The following CASKIN1 variants were observed in gnomAD, a reference collection of about 807,000 sequenced individuals.
CASKIN1 encodes the protein caskin-1.
In CASKIN1, 42 loss-of-function variants were observed where a neutral mutation model predicts 117.5. That is an observed-to-expected ratio of 0.36 (90% CI 0.28 to 0.46). CASKIN1 has a LOEUF of 0.46. Among genes scored for constraint, CASKIN1 ranks in the 20% least tolerant of loss-of-function variants. The probability of loss-of-function intolerance (pLI) is 1.00; values close to 1 mark genes in which losing one functional copy is unlikely to be tolerated. For missense variants in CASKIN1, 2,083 were observed against 2,077.3 expected (o/e 1.00, Z -0.05); for synonymous variants, 1,148 against 961.7 (o/e 1.19, Z -3.59).
chr16:2,178,926 C>T lies in CASKIN1; in HGVS notation c.4175G>A (p.Arg1392Gln), dbSNP rs566639408. ...CCGCGGGCCCTGCGCGTCCTCCTGC[C>T]GGATCTTCTCCTCCACCGCCTGCAG... ...AALQAVEEKIRQEDAQGPRDS... is the reference protein window; with the variant it reads ...AALQAVEEKIQQEDAQGPRDS... Residue 1392 changes from arginine (R) to glutamine (Q), a missense_variant, in exon 19 of 20, where the codon CGG (arginine) becomes CAG (glutamine). Transcript: ENST00000343516. 1 of 1,491,302 alleles carries T rather than the reference C, an allele frequency of 6.7e-7. No homozygotes were observed. The highest frequency in any genetic ancestry group is 8.8e-7 in the Non-Finnish European group (1 of 1,131,336). 92.4% of individuals were successfully genotyped at this position (1,491,302 alleles called of 1,614,324 possible). A position where few individuals can be genotyped will look rare whatever the true frequency, so the allele number is the denominator to read the frequency against.
At chr16:2,190,946 G>C (rs1035362446) in intron 1 of CASKIN1, among the ~76,000 whole-genome samples, 1 of 152,198 alleles carries the variant, frequency 6.6e-6, no homozygotes, top group East Asian at 1.9e-4. Context: ...AACCTCACGC[G>C]AACGGCTGCC....
At chr16:2,194,860 G>C (rs2093211152) in intron 1 of CASKIN1, among the ~76,000 whole-genome samples, 1 of 152,120 alleles carries the variant, frequency 6.6e-6, no homozygotes. Flanking sequence ...CCTGGCCCTG[G>C]GCCGTCCAAG....
chr16:2,180,409 T>C lies in CASKIN1; in HGVS notation c.2959A>G (p.Ser987Gly). ...GTGTCCACGCTGCCGGCCAGGTCACTGGCCCGCCGGCACTGTGCCCGGACC... is the reference window on the plus strand; with the variant it reads ...GTGTCCACGCTGCCGGCCAGGTCACCGGCCCGCCGGCACTGTGCCCGGACC... ...LGVRAQCRRASDLAGSVDTGS... is the reference protein window; with the variant it reads ...LGVRAQCRRAGDLAGSVDTGS... Residue 987 changes from serine (S) to glycine (G), a missense_variant, in exon 18 of 20, where the codon AGT becomes GGT. Coordinates refer to ENST00000343516, the MANE Select transcript of CASKIN1 (RefSeq NM_020764.4). 6.3e-7 allele frequency: 1 copy of C among 1,575,284 alleles called. No individual in the cohort carries two copies. The highest frequency in any genetic ancestry group is 8.6e-7 in the Non-Finnish European group (1 of 1,167,960).
chr16:2,183,583 TTC>T (rs1158704038), intron 16 of CASKIN1, 61 bp downstream of exon 16: 82 of 1,515,254 alleles, frequency 5.4e-5, no homozygotes, highest in Non-Finnish European at 7.4e-5. Context: ...GGGAGGCAGG[TTC>T]TCTGTCTGTC....
In CASKIN1 at chr16:2,177,965, T is replaced by C. The variant is rs2093147843; in HGVS notation, c.*585A>G. ...AGACAGCCTGGGCCTCTAACAGCTTTTGTCCGGAGCTAGACTTCGTGTCCT... is the reference window on the plus strand; with the variant it reads ...AGACAGCCTGGGCCTCTAACAGCTTCTGTCCGGAGCTAGACTTCGTGTCCT... On this transcript the variant is annotated 3_prime_UTR_variant, in exon 20 of 20. Coordinates refer to ENST00000343516, the MANE Select transcript of CASKIN1 (RefSeq NM_020764.4). The C allele has an allele frequency of 2.7e-6, 1 of 368,286 alleles. No individual in the cohort carries two copies. Among genetic ancestry groups the C allele is most frequent in the Non-Finnish European group, 5.1e-6 (1 of 195,956 alleles). The allele number at this position is 368,286 out of a possible 1,614,324, so 22.8% of individuals were successfully genotyped here.
chr16:2,188,755 T>C, intron 6 of CASKIN1: 1 of 435,032 alleles, frequency 2.3e-6, no homozygotes, highest in Non-Finnish European at 4.1e-6. Flanking sequence ...ACTTTACGGA[T>C]GGGAAAGTGA....
intron 1 of CASKIN1, among the ~76,000 whole-genome samples, chr16:2,190,589 G>A (rs1367440331): frequency 6.6e-6 from 1 of 152,198 alleles, no homozygotes; most frequent in Non-Finnish European, 1.5e-5. Flanking sequence ...AGATGTGGGG[G>A]TTCACAGTAC....
chr16:2,186,271 G>A (rs942991999), intron 10 of CASKIN1, among the ~76,000 whole-genome samples: 15 of 152,256 alleles, frequency 9.9e-5, no homozygotes, highest in East Asian at 9.7e-4. Flanking sequence ...GCCTGGCGCC[G>A]CCGGCTTTTA....
At chr16:2,184,053 C>T in intron 14 of CASKIN1, 112 bp from the exon 15 acceptor site, 1 of 676,540 alleles carries the variant, frequency 1.5e-6, no homozygotes, top group Non-Finnish European at 2.5e-6. Flanking sequence ...CGTCCGCCGT[C>T]CGCTGCTCCA....
rs767660749 is a variant in CASKIN1, at chr16:2,181,044, G to A, written c.2324C>T (p.Thr775Met). The change falls in exon 18 of 20, where the codon ACG becomes ATG. Residue 775 changes from threonine (T) to methionine (M), a missense_variant. Physicochemically the swap from Thr to Met is moderately conservative, Grantham distance 81. This residue lies in a region of CASKIN1 where 1,818 missense variants were observed against 1,688.9 expected (regional missense o/e 1.08). Transcript: ENST00000343516. ...QVLPPGTSHF[T>M]PPQTPTKTRP... Reference sequence around the variant, plus strand: ...GGTTTTGGTGGGCGTCTGGGGGGGCGTGAAGTGGCTAGTGCCTGGTGGGAG... The same window carrying A: ...GGTTTTGGTGGGCGTCTGGGGGGGCATGAAGTGGCTAGTGCCTGGTGGGAG... 1.6e-5 allele frequency: 24 copies of A among 1,486,872 alleles called. No homozygotes were observed. Among genetic ancestry groups the A allele is most frequent in the African/African-American group, 8.7e-5 (6 of 69,318 alleles). 92.1% of individuals were successfully genotyped at this position (1,486,872 alleles called of 1,614,324 possible).
rs762223111 is a variant in CASKIN1, at chr16:2,189,372, G to A, written c.391-39C>T. On this transcript the variant is annotated intron_variant, in intron 4 of 19. Coordinates refer to ENST00000343516, the MANE Select transcript of CASKIN1 (RefSeq NM_020764.4). The stretch of plus-strand genomic sequence containing the variant: ...GCGCAGTCAGGTCCGCACATCCTCA[G>A]GCCGCGCTGCCCCGCCCCCGCTGCC... 2.5e-6 allele frequency: 4 copies of A among 1,611,238 alleles called. No individual in the cohort carries two copies. In the South Asian group the frequency reaches 3.3e-5, roughly 13 times the overall value.
intron 1 of CASKIN1, among the ~76,000 whole-genome samples, chr16:2,193,504 C>T (rs2141330314): frequency 6.6e-6 from 1 of 152,328 alleles, no homozygotes; most frequent in Middle Eastern, 3.4e-3. Flanking sequence ...CCCCACTCTT[C>T]CCAGCTCCAG....
Position 2,196,324 on chromosome 16 carries a change from G to GC in CASKIN1, c.94+14dup. On this transcript the variant is annotated intron_variant, in intron 1 of 19. Coordinates refer to ENST00000343516, the MANE Select transcript of CASKIN1 (RefSeq NM_020764.4). This position sits in a 1 kb window ranked among gnomAD's most constrained non-coding sequence, Gnocchi z 5.7. ...CCCGGGGCTCCCACCCGCGCCCCGC[G>GC]CCCCCGGCACTCACTGGCCTTCCCG... The GC allele has an allele frequency of 3.4e-6, 4 of 1,174,662 alleles. No individual in the cohort carries two copies. The highest frequency in any genetic ancestry group is 3.0e-5 in the South Asian group (1 of 32,788). The allele number at this position is 1,174,662 out of a possible 1,614,324, so 72.8% of individuals were successfully genotyped here.
In CASKIN1 at chr16:2,189,562, T is replaced by G; in HGVS notation, c.247A>C (p.Met83Leu). Residue 83 changes from methionine to leucine, a missense_variant and splice_region_variant, in exon 4 of 20, where the codon ATG becomes CTG. By Grantham distance (15) the Met-to-Leu change is conservative. This residue lies in a region of CASKIN1 where 203 missense variants were observed against 338.7 expected (regional missense o/e 0.60). Coordinates refer to ENST00000343516, the MANE Select transcript of CASKIN1 (RefSeq NM_020764.4). ...AAVDIKDNKGMRPLHYAAWQG... is the reference protein window; with the variant it reads ...AAVDIKDNKGLRPLHYAAWQG... Reference sequence around the variant, plus strand: ...CAGGCCGCATAGTGCAGCGGCCGCATGCCTGGGGGGCGAGGGGATGCTGGG... The same window carrying G: ...CAGGCCGCATAGTGCAGCGGCCGCAGGCCTGGGGGGCGAGGGGATGCTGGG... The G allele has an allele frequency of 1.2e-6, 2 of 1,601,612 alleles. No individual in the cohort carries two copies. Among genetic ancestry groups the G allele is most frequent in the Non-Finnish European group, 1.7e-6 (2 of 1,175,118 alleles).
rs745352713 is a variant in CASKIN1, at chr16:2,178,943, C to A, written c.4158G>T (p.Ala1386=). Residue 1386 remains alanine, a synonymous_variant, in exon 19 of 20, where the codon GCG becomes GCT. Transcript: ENST00000343516. ...TSACLAAALQ[A]VEEKIRQEDA... The stretch of plus-strand genomic sequence containing the variant: ...CCTCCTGCCGGATCTTCTCCTCCAC[C>A]GCCTGCAGCGCCGCGGCCAGGCACG... The A allele has an allele frequency of 4.0e-6, 6 of 1,489,390 alleles. No homozygotes were observed. The highest frequency in any genetic ancestry group is 3.8e-5 in the South Asian group (3 of 78,660). The allele number at this position is 1,489,390 out of a possible 1,614,324, so 92.3% of individuals were successfully genotyped here.
intron 3 of CASKIN1, 81 bp downstream of exon 3, chr16:2,189,992 C>G: frequency 7.5e-7 from 1 of 1,328,152 alleles, no homozygotes; most frequent in Non-Finnish European, 1.1e-6. Flanking sequence ...GAGACCTCAG[C>G]CAAGGATCCA....
In CASKIN1 at chr16:2,186,806, C is replaced by A. The variant is rs1186387321; in HGVS notation, c.949G>T (p.Asp317Tyr). Residue 317 changes from aspartate to tyrosine, a missense_variant, in exon 10 of 20, where the codon GAT becomes TAT. Asp to Tyr is a radical substitution (Grantham distance 160, BLOSUM62 -3). Transcript: ENST00000343516. ...TGGATGCAGCCCTTCCACCGGCCAT[C>A]CGGATGCTGCTCGAGGACCTGGCCA... The part of the protein sequence containing the change: ...DIITVLEQHP[D>Y]GRWKGCIHDN... The A allele has an allele frequency of 6.2e-7, 1 of 1,612,994 alleles. No individual in the cohort carries two copies. The highest frequency in any genetic ancestry group is 2.2e-5 in the East Asian group (1 of 44,876).
Position 2,196,132 on chromosome 16 carries a change from G to A in CASKIN1, c.94+207C>T, listed in dbSNP as rs2093215324. Among the ~76,000 whole-genome samples the A allele has an allele frequency of 6.6e-6, 1 of 152,084 alleles. No homozygotes were observed. Among genetic ancestry groups the A allele is most frequent in the South Asian group, 2.1e-4 (1 of 4,824 alleles). On this transcript the variant is annotated intron_variant, in intron 1 of 19. Transcript: ENST00000343516. The surrounding 1 kb of genome is among the most constrained non-coding windows in gnomAD (Gnocchi z 5.7). ...GCCAGGTGCCCGCTGCGGGGCTCACGGTGGCGGCCGGCTCTCGGGGCCGCC... is the reference window on the plus strand; with the variant it reads ...GCCAGGTGCCCGCTGCGGGGCTCACAGTGGCGGCCGGCTCTCGGGGCCGCC...
At chr16:2,185,904 C>G (rs989533787) in intron 10 of CASKIN1, among the ~76,000 whole-genome samples, 28 of 152,262 alleles carry the variant, frequency 1.8e-4, no homozygotes, top group African/African-American at 6.3e-4. Context: ...TCAGATGTAC[C>G]CAGCTCTTGC....
Sources: allele counts gnomAD v4.1 joint callset (sites outside exome capture counted in the v4.1 genomes callset), GRCh38; gene constraint gnomAD v4.1.1; regional missense constraint gnomAD v4.1.1; non-coding constraint Gnocchi (gnomAD v3.1); transcripts MANE v1.5; gene names NCBI Gene and HGNC (gene_info 2026-07-23, HGNC 2026-07-21).